The following TENM2 variants were observed in gnomAD, a reference collection of about 807,000 sequenced individuals.
The protein encoded by TENM2 is teneurin-2.
Under a neutral mutation model 245.2 loss-of-function variants are expected in TENM2, and 52 were observed. The observed-to-expected ratio is 0.21, with a 90% confidence interval of 0.17 to 0.27. TENM2 has a LOEUF of 0.27. Ranked by LOEUF, TENM2 falls within the 10% of genes least tolerant of loss-of-function variation. The pLI, the probability that TENM2 is intolerant of heterozygous loss-of-function variation, is 1.00. For missense variants in TENM2, 3,046 were observed against 3,666.8 expected (o/e 0.83, Z 4.37); for synonymous variants, 1,363 against 1,438.9 (o/e 0.95, Z 1.19).
intron 6 of TENM2, among the ~76,000 whole-genome samples, chr5:168,052,909 C>G (rs1789232017): frequency 6.6e-6 from 1 of 152,164 alleles, no homozygotes; most frequent in East Asian, 1.9e-4. Flanking sequence ...TTTTTCTACA[C>G]TTGCCCTTTC....
At chr5:167,374,208 G>A (rs1334692954) in intron 1 of TENM2, among the ~76,000 whole-genome samples, 1 of 152,164 alleles carries the variant, frequency 6.6e-6, no homozygotes, top group African/African-American at 2.4e-5. Flanking sequence ...TATTTTTAGT[G>A]TATCTTTTCT....
chr5:167,079,833 A>G, the TENM2 span, among the ~76,000 whole-genome samples: 4 of 152,138 alleles, frequency 2.6e-5, no homozygotes, highest in Admixed American at 1.3e-4. Context: ...GGAAACAAAG[A>G]TTTCTCTAAT....
the TENM2 span, among the ~76,000 whole-genome samples, chr5:167,276,048 T>C: frequency 6.6e-6 from 1 of 152,086 alleles, no homozygotes; most frequent in Admixed American, 6.6e-5. Context: ...AGAATAAATC[T>C]CTTTTGTTCA....
At position 167,637,986 on chromosome 5, in the gene TENM2, A is replaced by T. The variant is rs185664116; in HGVS notation, c.503-238000A>T. ...CCAGAACTTAAAGTAAAAAAAAAAA[A>T]ATATTAGAATTTGGGAGTCTGGCAT... On this transcript the variant is annotated intron_variant, in intron 2 of 28. Transcript: ENST00000518659. 1.1e-3 allele frequency among the ~76,000 whole-genome samples: 168 copies of T among 152,132 alleles called. 1 individual carries two copies. Among genetic ancestry groups the T allele is most frequent in the African/African-American group, 3.4e-3 (139 of 41,482 alleles).
At chr5:167,640,893 ATATATATATAT>A (rs1232024173) in intron 2 of TENM2, among the ~76,000 whole-genome samples, 3 of 88,910 alleles carry the variant, frequency 3.4e-5, no homozygotes, top group African/African-American at 1.7e-4. Context: ...ATATATATAT[ATATATATATAT>A]ATCTTTCTCT....
intron 2 of TENM2, among the ~76,000 whole-genome samples, chr5:167,777,650 A>G (rs987949957): frequency 6.6e-6 from 1 of 152,226 alleles, no homozygotes; most frequent in Non-Finnish European, 1.5e-5. Flanking sequence ...AACAGTGCCT[A>G]ACAGCCAGGG....
chr5:167,870,589 G>A (rs551231812), intron 2 of TENM2, among the ~76,000 whole-genome samples: 115 of 140,138 alleles, frequency 8.2e-4, no homozygotes, highest in Admixed American at 1.2e-3. Flanking sequence ...ATATATATAT[G>A]TATATATATG....
At chr5:167,032,315 T>A in the TENM2 span, among the ~76,000 whole-genome samples, 1 of 152,218 alleles carries the variant, frequency 6.6e-6, no homozygotes, top group Non-Finnish European at 1.5e-5. Context: ...TTGAATGCTC[T>A]CCTTACGATT....
chr5:168,133,982 C>T (rs1168297722), intron 12 of TENM2, among the ~76,000 whole-genome samples: 2 of 151,900 alleles, frequency 1.3e-5, no homozygotes, highest in African/African-American at 2.4e-5. Context: ...TGGTGAAACC[C>T]CGCCTCTACT....
chr5:168,069,000 G>A (rs1790749970), intron 7 of TENM2, among the ~76,000 whole-genome samples: 1 of 151,968 alleles, frequency 6.6e-6, no homozygotes, highest in Non-Finnish European at 1.5e-5. Context: ...GCAATTTTGA[G>A]AGGCACGTCC....
chr5:167,620,119 C>G (rs879099919), intron 2 of TENM2, among the ~76,000 whole-genome samples: 5 of 151,988 alleles, frequency 3.3e-5, no homozygotes, highest in East Asian at 1.9e-4. Flanking sequence ...AATAGTCGGC[C>G]GTGTGGTTAG....
At chr5:167,286,027 A>G (rs1017370038) in intron 1 of TENM2, among the ~76,000 whole-genome samples, 2 of 152,178 alleles carry the variant, frequency 1.3e-5, no homozygotes, top group African/African-American at 2.4e-5. Flanking sequence ...TCCTTAAACT[A>G]CTTTTTACTA....
chr5:168,202,141 G>A (rs1277906166), intron 17 of TENM2, among the ~76,000 whole-genome samples: 1 of 152,130 alleles, frequency 6.6e-6, no homozygotes, highest in Non-Finnish European at 1.5e-5. Context: ...CAAAATGATA[G>A]TTTAATTCTG....
chr5:167,892,216 G>GA, intron 3 of TENM2, among the ~76,000 whole-genome samples: 1 of 152,100 alleles, frequency 6.6e-6, no homozygotes, highest in Non-Finnish European at 1.5e-5. Context: ...AATTAAACTT[G>GA]AAAAAATTAT....
intron 2 of TENM2, among the ~76,000 whole-genome samples, chr5:167,538,057 T>C (rs1160717849): frequency 1.3e-5 from 2 of 152,336 alleles, no homozygotes; most frequent in African/African-American, 4.8e-5. Flanking sequence ...AGTACTTATA[T>C]CCAAAACTTG....
chr5:167,827,991 C>T (rs887959892), intron 2 of TENM2, among the ~76,000 whole-genome samples: 10 of 152,208 alleles, frequency 6.6e-5, no homozygotes, highest in Non-Finnish European at 1.3e-4. Context: ...GTTGCTCAAA[C>T]AATCCCTTAT....
intron 4 of TENM2, among the ~76,000 whole-genome samples, chr5:167,971,234 TA>T (rs1781753816): frequency 7.1e-6 from 1 of 141,068 alleles, no homozygotes; most frequent in African/African-American, 2.7e-5. Context: ...GAGATGGAGA[TA>T]GAGATAAAGG....
the TENM2 span, among the ~76,000 whole-genome samples, chr5:167,065,767 C>T: frequency 6.6e-6 from 1 of 152,134 alleles, no homozygotes. Flanking sequence ...AGTGTTTATT[C>T]ATGGACTGGA....
intron 2 of TENM2, among the ~76,000 whole-genome samples, chr5:167,759,239 T>G (rs1411589409): frequency 6.6e-6 from 1 of 151,580 alleles, no homozygotes; most frequent in East Asian, 1.9e-4. Flanking sequence ...CTCAGTATCC[T>G]CTTTCATAAC....
Sources: allele counts gnomAD v4.1 joint callset (sites outside exome capture counted in the v4.1 genomes callset), GRCh38; gene constraint gnomAD v4.1.1; transcripts MANE v1.5; gene names NCBI Gene and HGNC (gene_info 2026-07-23, HGNC 2026-07-21).